ANGPTL7: variants seen among roughly 807,000 people sequenced by gnomAD.
ANGPTL7 encodes angiopoietin-related protein 7.
A neutral mutation model predicts 38.8 loss-of-function variants in ANGPTL7; 37 were observed. The ratio of observed to expected loss-of-function variants is 0.95; its 90% CI spans 0.73 to 1.25. ANGPTL7 has a LOEUF of 1.25. Ranked by LOEUF, ANGPTL7 falls within the 50% of genes most tolerant of loss-of-function variation. The pLI, the probability that ANGPTL7 is intolerant of heterozygous loss-of-function variation, is 0.00. For missense variants in ANGPTL7, 427 were observed against 438.6 expected (o/e 0.97, Z 0.24); for synonymous variants, 166 against 163.2 (o/e 1.02, Z -0.13).
At chr1:11,194,814 A>G (rs1408542164) in intron 4 of ANGPTL7, 40 bp from the exon 5 acceptor site, 1 of 1,610,548 alleles carries the variant, frequency 6.2e-7, no homozygotes, top group South Asian at 1.1e-5. Context: ...CTGGTCTATC[A>G]CAGTCAACTT....
Position 11,194,597 on chromosome 1 carries a change from C to T in ANGPTL7, c.809C>T (p.Ala270Val). The T allele has an allele frequency of 6.2e-7, 1 of 1,614,164 alleles. No homozygotes were observed. The highest frequency in any genetic ancestry group is 8.5e-7 in the Non-Finnish European group (1 of 1,180,036). The change falls in exon 4 of 5, where the codon GCC becomes GTC. Residue 270 changes from alanine to valine, a missense_variant. Transcript: ENST00000376819. ...GCCCTCCAGTATCATAACAACACAG[C>T]CTTCAGCACCAAGGACAAGGACAAT... Reference protein sequence around the residue: ...NDALQYHNNTAFSTKDKDNDN... With the variant: ...NDALQYHNNTVFSTKDKDNDN...
chr1:11,194,727 A>C, intron 4 of ANGPTL7, 68 bp downstream of exon 4: 2 of 1,608,468 alleles, frequency 1.2e-6, no homozygotes, highest in Non-Finnish European at 1.7e-6. Context: ...GAGGAGAAAG[A>C]GTGAATTATA....
intron 2 of ANGPTL7, among the ~76,000 whole-genome samples, chr1:11,192,912 G>C (rs1490497412): frequency 6.6e-6 from 1 of 152,116 alleles, no homozygotes; most frequent in East Asian, 1.9e-4. Context: ...ACATAGATCA[G>C]ATCATTCTTA....
intron 3 of ANGPTL7, 146 bp from the exon 4 acceptor site, chr1:11,194,315 C>T: frequency 1.3e-6 from 1 of 769,594 alleles, no homozygotes; most frequent in Non-Finnish European, 2.1e-6. Flanking sequence ...ACACAGTAAA[C>T]TGGAGGTAAA....
At position 11,189,780 on chromosome 1, in the gene ANGPTL7, CAAG is replaced by C. The variant is rs1557822300; in HGVS notation, c.205_207del (p.Lys69del). 3 of 1,614,184 alleles carry C rather than the reference CAAG, an allele frequency of 1.9e-6. No individual in the cohort carries two copies. The highest frequency in any genetic ancestry group is 2.2e-5 in the South Asian group (2 of 91,088). ...TTAGCAGCCTGCTGAGTGAACTGAA[CAAG>C]AAGCAGGAGAGGGACTGGGTCAGCG... On this transcript the variant is annotated inframe_deletion, in exon 1 of 5. Transcript: ENST00000376819.
At chr1:11,191,527 C>T (rs1645530574) in intron 1 of ANGPTL7, among the ~76,000 whole-genome samples, 1 of 152,136 alleles carries the variant, frequency 6.6e-6, no homozygotes, top group Non-Finnish European at 1.5e-5. Flanking sequence ...GTAAGGGCCG[C>T]AGTCTCTGAA....
In ANGPTL7 at chr1:11,194,940, AT is replaced by A. The variant is rs1645724588; in HGVS notation, c.959del (p.Ile320ThrfsTer18). The A allele has an allele frequency of 6.2e-7, 1 of 1,614,136 alleles. No individual in the cohort carries two copies. The highest frequency in any genetic ancestry group is 2.2e-5 in the East Asian group (1 of 44,870). ...LGEHNKHLDG[I>X]TWYGWHGSTY... ...TGAGCACAATAAGCACCTGGATGGC[AT>A]CACCTGGTATGGCTGGCATGGATCT... On this transcript the variant is annotated frameshift_variant, in exon 5 of 5. Transcript: ENST00000376819. LOFTEE classifies it high-confidence loss of function.
In ANGPTL7 at chr1:11,195,510, T is replaced by C. The variant is rs1196494562; in HGVS notation, c.*487T>C. On this transcript the variant is annotated 3_prime_UTR_variant, in exon 5 of 5. Coordinates refer to ENST00000376819, the MANE Select transcript of ANGPTL7 (RefSeq NM_021146.4). ...AGGTGGGAAATGGTATTTCTATTTT[T>C]AAATCCAGTGAAATTATCTTGAGTC... 1 of 154,408 alleles carries C rather than the reference T, an allele frequency of 6.5e-6. No individual in the cohort carries two copies. Among genetic ancestry groups the C allele is most frequent in the Non-Finnish European group, 1.4e-5 (1 of 69,484 alleles). 9.6% of individuals were successfully genotyped at this position (154,408 alleles called of 1,614,324 possible). A position where few individuals can be genotyped will look rare whatever the true frequency, so the allele number is the denominator to read the frequency against.
chr1:11,192,199 A>G (rs926012519), intron 1 of ANGPTL7, 71 bp from the exon 2 acceptor site: 1 of 1,119,662 alleles, frequency 8.9e-7, no homozygotes, highest in Non-Finnish European at 1.3e-6. Context: ...ATAAAGGCTC[A>G]GTCTCTAAAC....
In ANGPTL7 at chr1:11,195,137, A is replaced by G; in HGVS notation, c.*114A>G. 1 of 1,139,126 alleles carries G rather than the reference A, an allele frequency of 8.8e-7. No individual in the cohort carries two copies. Among genetic ancestry groups the G allele is most frequent in the South Asian group, 1.6e-5 (1 of 61,876 alleles). The allele number at this position is 1,139,126 out of a possible 1,614,324, so 70.6% of individuals were successfully genotyped here. A position where few individuals can be genotyped will look rare whatever the true frequency, so the allele number is the denominator to read the frequency against. On this transcript the variant is annotated 3_prime_UTR_variant, in exon 5 of 5. Coordinates refer to ENST00000376819, the MANE Select transcript of ANGPTL7 (RefSeq NM_021146.4). ...AGGGTAGGACTGAGAAACAGCCTAT[A>G]ATCTCCAAAGAAAGAATAAGTCTCC...
Position 11,191,845 on chromosome 1 carries a change from C to G in ANGPTL7, c.377-425C>G, listed in dbSNP as rs28990998. ...ACAAAAACAACCAACCAGGAAACAT[C>G]AACAAAACCAGACTCTATGAGATAT... On this transcript the variant is annotated intron_variant, in intron 1 of 4. Coordinates refer to ENST00000376819, the MANE Select transcript of ANGPTL7 (RefSeq NM_021146.4). 2.1e-3 allele frequency among the ~76,000 whole-genome samples: 326 copies of G among 152,292 alleles called. 4 individuals are homozygous for G. The highest frequency in any genetic ancestry group is 7.6e-3 in the African/African-American group (315 of 41,554).
chr1:11,189,467 C>G lies in ANGPTL7; in HGVS notation c.-113C>G. The stretch of plus-strand genomic sequence containing the variant: ...GAGAGAAAACAACAAAGTGGCGAGG[C>G]CCTCAGAGTGAAAGCGTAAGGTTCA... On this transcript the variant is annotated 5_prime_UTR_variant, in exon 1 of 5. Transcript: ENST00000376819. The G allele has an allele frequency of 1.6e-6, 2 of 1,255,514 alleles. No individual in the cohort carries two copies. Among genetic ancestry groups the G allele is most frequent in the South Asian group, 1.5e-5 (1 of 68,074 alleles). 77.8% of individuals were successfully genotyped at this position (1,255,514 alleles called of 1,614,324 possible). A position where few individuals can be genotyped will look rare whatever the true frequency, so the allele number is the denominator to read the frequency against.
At chr1:11,189,986 G>T in intron 1 of ANGPTL7, 31 bp downstream of exon 1, 1 of 1,573,900 alleles carries the variant, frequency 6.4e-7, no homozygotes, top group Non-Finnish European at 8.6e-7. Context: ...AGGGAGCGTG[G>T]AGTGCCTCCC....
At position 11,194,560 on chromosome 1, in the gene ANGPTL7, G is replaced by T. The variant is rs758868900; in HGVS notation, c.772G>T (p.Val258Leu). 1.2e-6 allele frequency: 2 copies of T among 1,614,204 alleles called. No homozygotes were observed. Among genetic ancestry groups the T allele is most frequent in the South Asian group, 2.2e-5 (2 of 91,084 alleles). The change falls in exon 4 of 5, where the codon GTG becomes TTG. Residue 258 changes from valine to leucine, a missense_variant. By Grantham distance (32) the Val-to-Leu change is conservative (BLOSUM62 1). Transcript: ENST00000376819. The stretch of plus-strand genomic sequence containing the variant: ...CTTCCTGGGGAACTACACTGGCAAT[G>T]TGGGGAACGACGCCCTCCAGTATCA... ...RLFLGNYTGNVGNDALQYHNN... is the reference protein window; with the variant it reads ...RLFLGNYTGNLGNDALQYHNN...
intron 4 of ANGPTL7, 78 bp downstream of exon 4, chr1:11,194,737 AAC>A (rs1645714363): frequency 6.2e-7 from 1 of 1,604,488 alleles, no homozygotes; most frequent in Non-Finnish European, 8.5e-7. Flanking sequence ...AGTGAATTAT[AAC>A]TGTACAGTTG....
At chr1:11,190,652 T>C (rs928879266) in intron 1 of ANGPTL7, among the ~76,000 whole-genome samples, 1 of 152,210 alleles carries the variant, frequency 6.6e-6, no homozygotes, top group Non-Finnish European at 1.5e-5. Context: ...ATAAATTTAA[T>C]CTTTCTTTTG....
In ANGPTL7 at chr1:11,193,823, T is replaced by C. The variant is rs200235138; in HGVS notation, c.672+49T>C. ...ATGACTGGACCAGTGCCACCACACA[T>C]GACCGCGTACAACTCCGGGGGTGCC... On this transcript the variant is annotated intron_variant, in intron 3 of 4. Coordinates refer to ENST00000376819, the MANE Select transcript of ANGPTL7 (RefSeq NM_021146.4). The C allele has an allele frequency of 7.6e-6, 12 of 1,584,364 alleles. No individual in the cohort carries two copies. In the African/African-American group the frequency reaches 1.6e-4, roughly 21 times the overall value.
chr1:11,190,599 T>A (rs1645489208), intron 1 of ANGPTL7, among the ~76,000 whole-genome samples: 1 of 152,220 alleles, frequency 6.6e-6, no homozygotes, highest in South Asian at 2.1e-4. Context: ...CAGGATTTTT[T>A]AAATGCAATG....
chr1:11,190,552 A>G (rs1328548946), intron 1 of ANGPTL7, among the ~76,000 whole-genome samples: 1 of 152,076 alleles, frequency 6.6e-6, no homozygotes, highest in Non-Finnish European at 1.5e-5. Flanking sequence ...TGATACGTCT[A>G]TTTTTTTCCA....
Sources: allele counts gnomAD v4.1 joint callset (sites outside exome capture counted in the v4.1 genomes callset), GRCh38; gene constraint gnomAD v4.1.1; transcripts MANE v1.5; gene names NCBI Gene and HGNC (gene_info 2026-07-23, HGNC 2026-07-21).